The following CFAP299 variants were observed in gnomAD, a reference collection of about 807,000 sequenced individuals.
CFAP299 encodes cilia- and flagella-associated protein 299.
A neutral mutation model predicts 27.0 loss-of-function variants in CFAP299; 21 were observed. The ratio of observed to expected loss-of-function variants is 0.78; its 90% confidence interval spans 0.55 to 1.12. The LOEUF (loss-of-function observed/expected upper bound fraction) is 1.12, where lower values mean the gene tolerates loss of function less well. Ranked by LOEUF, CFAP299 falls within the 50% of genes most tolerant of loss-of-function variation. CFAP299 has a pLI of 0.00. For synonymous variants in CFAP299, 104 were observed against 98.1 expected (o/e 1.06, Z -0.36); for missense variants, 310 against 276.6 (o/e 1.12, Z -0.86).
At chr4:80,778,579 TA>T (rs1726683603) in intron 3 of CFAP299, among the ~76,000 whole-genome samples, 1 of 152,068 alleles carries the variant, frequency 6.6e-6, no homozygotes, top group African/African-American at 2.4e-5. Flanking sequence ...ATACTGCTGG[TA>T]CAAATTACTT....
chr4:80,487,757 A>G (rs1380347031), intron 2 of CFAP299, among the ~76,000 whole-genome samples: 1 of 152,220 alleles, frequency 6.6e-6, no homozygotes, highest in African/African-American at 2.4e-5. Context: ...GCAACTATCA[A>G]GACTCTAAGT....
Position 80,551,769 on chromosome 4 carries a change from A to G in CFAP299, c.243-31324A>G, listed in dbSNP as rs141519779. Reference sequence around the variant, plus strand: ...TATATCTATGATTTTTTTTTTTTTTAATGGAGACTCGGTCTATCACCAGGC... The same window carrying G: ...TATATCTATGATTTTTTTTTTTTTTGATGGAGACTCGGTCTATCACCAGGC... On this transcript the variant is annotated intron_variant, in intron 2 of 5. Coordinates refer to ENST00000358105, the MANE Select transcript of CFAP299 (RefSeq NM_152770.3). Among the ~76,000 whole-genome samples the G allele has an allele frequency of 2.7e-3, 403 of 148,302 alleles. 3 individuals carry two copies. Among genetic ancestry groups the G allele is most frequent in the African/African-American group, 8.2e-3 (332 of 40,456 alleles).
At chr4:80,841,751 G>A (rs1022805206) in intron 3 of CFAP299, among the ~76,000 whole-genome samples, 1 of 152,022 alleles carries the variant, frequency 6.6e-6, no homozygotes, top group Non-Finnish European at 1.5e-5. Flanking sequence ...TAGGCCCATG[G>A]CAGAGCTAAG....
chr4:80,416,083 A>G (rs1159765027), intron 2 of CFAP299, among the ~76,000 whole-genome samples: 1 of 152,218 alleles, frequency 6.6e-6, no homozygotes, highest in Non-Finnish European at 1.5e-5. Flanking sequence ...TTTGAAGAGC[A>G]TCCTTTCCTG....
intron 3 of CFAP299, among the ~76,000 whole-genome samples, chr4:80,858,502 G>C (rs1438916648): frequency 1.3e-5 from 2 of 151,958 alleles, no homozygotes; most frequent in African/African-American, 2.4e-5. Flanking sequence ...TGTGATGTTG[G>C]GGTGTCAATT....
intron 4 of CFAP299, among the ~76,000 whole-genome samples, chr4:80,875,743 AT>A (rs1383886816): frequency 1.3e-5 from 2 of 151,768 alleles, no homozygotes; most frequent in Non-Finnish European, 2.9e-5. Context: ...GATGGGGCAT[AT>A]TTTTACTAGA....
At chr4:80,499,912 G>A (rs371440964) in intron 2 of CFAP299, among the ~76,000 whole-genome samples, 24 of 152,078 alleles carry the variant, frequency 1.6e-4, no homozygotes, top group Non-Finnish European at 3.1e-4. Context: ...TGAATTAGCC[G>A]TTAATAGCTA....
intron 3 of CFAP299, among the ~76,000 whole-genome samples, chr4:80,771,978 A>G (rs1346696732): frequency 3.3e-5 from 5 of 152,182 alleles, no homozygotes; most frequent in African/African-American, 1.2e-4. Flanking sequence ...AAAAATGGAC[A>G]TCAAAGGACC....
chr4:80,786,267 T>C (rs192933466), intron 3 of CFAP299, among the ~76,000 whole-genome samples: 1 of 152,052 alleles, frequency 6.6e-6, no homozygotes, highest in South Asian at 2.1e-4. Context: ...AGTCATAGTT[T>C]GGGGTGGAGA....
At chr4:80,848,801 A>G (rs1427346467) in intron 3 of CFAP299, among the ~76,000 whole-genome samples, 1 of 152,062 alleles carries the variant, frequency 6.6e-6, no homozygotes, top group Non-Finnish European at 1.5e-5. Flanking sequence ...AAACAAAACA[A>G]AAACAGTATA....
intron 2 of CFAP299, among the ~76,000 whole-genome samples, chr4:80,504,131 G>C (rs1731878483): frequency 1.3e-5 from 2 of 151,932 alleles, no homozygotes; most frequent in Admixed American, 1.3e-4. Flanking sequence ...AGATCGGCTT[G>C]GTTTGGGAGG....
chr4:80,938,619 C>T (rs543187740), intron 4 of CFAP299, among the ~76,000 whole-genome samples: 1 of 152,278 alleles, frequency 6.6e-6, no homozygotes, highest in Non-Finnish European at 1.5e-5. Context: ...TTTCCCACTC[C>T]ACACCTTTAT....
chr4:80,795,142 G>A lies in CFAP299; in HGVS notation c.334-74851G>A, dbSNP rs192877619. Among the ~76,000 whole-genome samples, 54 of 152,270 alleles carry A rather than the reference G, an allele frequency of 3.5e-4. No homozygotes were observed. In the East Asian group the frequency reaches 8.5e-3, roughly 24 times the overall value. ...CCCTGCTGAGGTCACCCATTGGTGA[G>A]CACTCACATGGGATACAAATATCTT... On this transcript the variant is annotated intron_variant, in intron 3 of 5. Transcript: ENST00000358105.
At chr4:80,948,111 A>G (rs1737568977) in intron 5 of CFAP299, among the ~76,000 whole-genome samples, 1 of 152,126 alleles carries the variant, frequency 6.6e-6, no homozygotes, top group South Asian at 2.1e-4. Flanking sequence ...TTTATGCTTA[A>G]AATTAAAGAG....
chr4:80,810,939 G>A (rs1729122698), intron 3 of CFAP299, among the ~76,000 whole-genome samples: 2 of 152,086 alleles, frequency 1.3e-5, no homozygotes, highest in Non-Finnish European at 2.9e-5. Context: ...CCCCACTCAT[G>A]TGGTTCTTAC....
chr4:80,479,069 T>C (rs1469846091), intron 2 of CFAP299, among the ~76,000 whole-genome samples: 1 of 151,970 alleles, frequency 6.6e-6, no homozygotes, highest in African/African-American at 2.4e-5. Flanking sequence ...ATATAAAAAT[T>C]ATAGTAGGGC....
intron 3 of CFAP299, among the ~76,000 whole-genome samples, chr4:80,602,008 G>A (rs566087643): frequency 6.6e-6 from 1 of 152,284 alleles, no homozygotes; most frequent in South Asian, 2.1e-4. Context: ...GGAGCTAAAT[G>A]ATGAGAACAC....
chr4:80,455,434 T>C (rs1253950065), intron 2 of CFAP299, among the ~76,000 whole-genome samples: 1 of 152,108 alleles, frequency 6.6e-6, no homozygotes, highest in East Asian at 1.9e-4. Context: ...ATAGGAATTT[T>C]TGCATACATA....
chr4:80,367,369 C>G (rs1723887466), intron 2 of CFAP299, among the ~76,000 whole-genome samples: 1 of 152,104 alleles, frequency 6.6e-6, no homozygotes, highest in Non-Finnish European at 1.5e-5. Flanking sequence ...CTTAAAGGCT[C>G]AATTAGAGTT....
Sources: gnomAD v4.1 joint callset for allele counts (sites outside exome capture counted in the v4.1 genomes callset) on GRCh38, gnomAD v4.1.1 for gene constraint, MANE v1.5 for transcripts, NCBI Gene and HGNC (gene_info 2026-07-23, HGNC 2026-07-21) for gene names.